ADAMTS14: variants seen among roughly 807,000 people sequenced by gnomAD.
ADAMTS14 encodes ADAM metallopeptidase with thrombospondin type 1 motif 14, also known as A disintegrin and metalloproteinase with thrombospondin motifs 14.
In ADAMTS14, 100 loss-of-function variants were observed where a neutral mutation model predicts 128.6. The observed-to-expected ratio is 0.78, with a 90% confidence interval of 0.66 to 0.92. The LOEUF (loss-of-function observed/expected upper bound fraction) is 0.92, where lower values mean the gene tolerates loss of function less well. ADAMTS14 is among the 40% of genes least tolerant of loss of function. ADAMTS14 has a pLI of 0.00. For synonymous variants in ADAMTS14, 665 were observed against 653.8 expected (o/e 1.02, Z -0.26); for missense variants, 1,562 against 1,658.6 (o/e 0.94, Z 1.01).
rs771389769 is a variant in ADAMTS14 at position 70,724,399 on chromosome 10, G to A, written c.871-4895G>A. ...CCTGTCTCGTGCCCAACCATGGGAAGCGATCCGTGATCTCCCCTGAGCTAG... is the reference window on the plus strand; with the variant it reads ...CCTGTCTCGTGCCCAACCATGGGAAACGATCCGTGATCTCCCCTGAGCTAG... On this transcript the variant is annotated intron_variant, in intron 4 of 21. Coordinates refer to ENST00000373207, the MANE Select transcript of ADAMTS14 (RefSeq NM_080722.4). Among the ~76,000 whole-genome samples, 32 of 152,326 alleles carry A rather than the reference G, an allele frequency of 2.1e-4. 1 individual carries two copies. The highest frequency in any genetic ancestry group is 7.7e-4 in the African/African-American group (32 of 41,578).
chr10:70,712,853 C>T (rs910814542), intron 4 of ADAMTS14, among the ~76,000 whole-genome samples: 1 of 152,174 alleles, frequency 6.6e-6, no homozygotes, highest in Non-Finnish European at 1.5e-5. Context: ...AATCTCTGCC[C>T]TCATTCCCGG....
At chr10:70,738,168 A>C (rs1212440821) in intron 10 of ADAMTS14, among the ~76,000 whole-genome samples, 1 of 151,674 alleles carries the variant, frequency 6.6e-6, no homozygotes, top group African/African-American at 2.4e-5. Context: ...AGCTTTGTGC[A>C]TTTTTTTCAT....
At position 70,745,399 on chromosome 10, in the gene ADAMTS14, A is replaced by T. The variant is rs1273751238; in HGVS notation, c.2263+93A>T. 2.2e-6 allele frequency: 3 copies of T among 1,334,570 alleles called. No homozygotes were observed. The Admixed American group carries it at 5.4e-5, about 24-fold the overall frequency. The allele number at this position is 1,334,570 out of a possible 1,614,324, so 82.7% of individuals were successfully genotyped here. A position where few individuals can be genotyped will look rare whatever the true frequency, so the allele number is the denominator to read the frequency against. On this transcript the variant is annotated intron_variant, in intron 15 of 21. Transcript: ENST00000373207. ...GGAGACCAGAGGACAAGATTCTAGT[A>T]CAAGTGGAATTGTACTAACTGGAGT...
intron 6 of ADAMTS14, among the ~76,000 whole-genome samples, chr10:70,731,078 A>ACACACACACACG: frequency 6.7e-6 from 1 of 148,442 alleles, no homozygotes; most frequent in Non-Finnish European, 1.5e-5. Flanking sequence ...ACACACACAC[A>ACACACACACACG]CACACACACA....
chr10:70,749,670 C>G (rs1842291689), intron 15 of ADAMTS14, 152 bp from the exon 16 acceptor site: 3 of 851,494 alleles, frequency 3.5e-6, no homozygotes, highest in Non-Finnish European at 5.4e-6. Context: ...AGCGTGTTGA[C>G]CTGTCTGACT....
intron 2 of ADAMTS14, among the ~76,000 whole-genome samples, chr10:70,678,885 T>C (rs2132531539): frequency 6.6e-6 from 1 of 151,850 alleles, no homozygotes; most frequent in East Asian, 1.9e-4. Flanking sequence ...AACCTGTAGT[T>C]GATGGCTCCC....
Position 70,750,563 on chromosome 10 carries a change from G to A in ADAMTS14, c.2427+578G>A, listed in dbSNP as rs371067899. ...GGCTGGTGGCAGGGTTACCTTGGAT[G>A]GGCTTTGTTCCTGGTGTCACCCTCA... is the stretch of plus-strand genomic sequence containing the variant. On this transcript the variant is annotated intron_variant, in intron 16 of 21. Coordinates refer to ENST00000373207, the MANE Select transcript of ADAMTS14 (RefSeq NM_080722.4). Among the ~76,000 whole-genome samples, 34 of 152,316 alleles carry A rather than the reference G, an allele frequency of 2.2e-4. 2 individuals are homozygous for A. The highest frequency in any genetic ancestry group is 1.7e-3 in the East Asian group (9 of 5,186).
Position 70,758,217 on chromosome 10 carries a change from T to G in ADAMTS14, c.3110T>G (p.Leu1037Arg). The G allele has an allele frequency of 6.2e-7, 1 of 1,614,208 alleles. No homozygotes were observed. The highest frequency in any genetic ancestry group is 8.5e-7 in the Non-Finnish European group (1 of 1,180,026). The change falls in exon 21 of 22, where the codon CTT becomes CGT. Residue 1037 changes from leucine to arginine, a missense_variant. Physicochemically the swap from Leu to Arg is moderately radical, Grantham distance 102 (BLOSUM62 -2). Coordinates refer to ENST00000373207, the MANE Select transcript of ADAMTS14 (RefSeq NM_080722.4). ...NSTVRADVWE[L>R]GTPEGQWVPQ... ...ACGGTGAGGGCCGATGTCTGGGAACTTGGGACGCCAGAGGGGCAGTGGGTG... is the reference window on the plus strand; with the variant it reads ...ACGGTGAGGGCCGATGTCTGGGAACGTGGGACGCCAGAGGGGCAGTGGGTG...
At chr10:70,711,269 C>T (rs1018486985) in intron 4 of ADAMTS14, among the ~76,000 whole-genome samples, 3 of 152,240 alleles carry the variant, frequency 2.0e-5, no homozygotes, top group Admixed American at 2.0e-4. Context: ...CTCCTATCCC[C>T]ATCCATGGCT....
intron 2 of ADAMTS14, among the ~76,000 whole-genome samples, chr10:70,682,632 C>G (rs1010611269): frequency 3.9e-5 from 6 of 152,198 alleles, no homozygotes; most frequent in Non-Finnish European, 8.8e-5. Context: ...GTACACTCAG[C>G]TGTTGCTATT....
Position 70,756,928 on chromosome 10 carries a change from C to T in ADAMTS14, c.2938-1034C>T, listed in dbSNP as rs897935694. Among the ~76,000 whole-genome samples, 6 of 152,116 alleles carry T rather than the reference C, an allele frequency of 3.9e-5. No homozygotes were observed. In the South Asian group the frequency reaches 8.3e-4, roughly 21 times the overall value. On this transcript the variant is annotated intron_variant, in intron 19 of 21. Transcript: ENST00000373207. Reference sequence around the variant, plus strand: ...CTTTCACAGCCCCTTATGAGACTGACTGAGCAGTCAGGAGCTGTTAGCTGC... The same window carrying T: ...CTTTCACAGCCCCTTATGAGACTGATTGAGCAGTCAGGAGCTGTTAGCTGC...
At chr10:70,741,772 C>G (rs905851743) in intron 12 of ADAMTS14, among the ~76,000 whole-genome samples, 1 of 152,202 alleles carries the variant, frequency 6.6e-6, no homozygotes, top group Non-Finnish European at 1.5e-5. Flanking sequence ...AATTTGGGGA[C>G]CATAGTGGTG....
chr10:70,682,400 C>T (rs963722226), intron 2 of ADAMTS14, among the ~76,000 whole-genome samples: 3 of 152,146 alleles, frequency 2.0e-5, no homozygotes, highest in Non-Finnish European at 4.4e-5. Context: ...TAGCTGGAGG[C>T]CTTGGGTTGC....
In ADAMTS14 at chr10:70,718,959, G is replaced by T. The variant is rs556165890; in HGVS notation, c.870+10181G>T. On this transcript the variant is annotated intron_variant, in intron 4 of 21. Transcript: ENST00000373207. ...AATCCTCCTGCCTTGGCCCCCCAGAGTGCTGGGATTACAGGTATGAGCCAT... is the reference window on the plus strand; with the variant it reads ...AATCCTCCTGCCTTGGCCCCCCAGATTGCTGGGATTACAGGTATGAGCCAT... 1.4e-4 allele frequency among the ~76,000 whole-genome samples: 22 copies of T among 151,972 alleles called. No individual in the cohort carries two copies. In the South Asian group the frequency reaches 2.9e-3, roughly 20 times the overall value.
Position 70,744,118 on chromosome 10 carries a change from G to C in ADAMTS14, c.2111G>C (p.Gly704Ala). The C allele has an allele frequency of 6.4e-7, 1 of 1,563,850 alleles. No homozygotes were observed. The highest frequency in any genetic ancestry group is 8.7e-7 in the Non-Finnish European group (1 of 1,154,150). The change falls in exon 14 of 22, where the codon GGA (glycine) becomes GCA (alanine). Residue 704 changes from glycine (G) to alanine (A), a missense_variant. Transcript: ENST00000373207. ...TCCATGAAGGCGGATGACAAGTGTG[G>C]AGTCTGCGGGGGTGACAACTCCCAC... ...VGSMKADDKC[G>A]VCGGDNSHCR...
At chr10:70,674,258 C>T (rs953482944) in intron 1 of ADAMTS14, among the ~76,000 whole-genome samples, 4 of 152,150 alleles carry the variant, frequency 2.6e-5, no homozygotes, top group African/African-American at 7.2e-5. Context: ...AGCCCAAGGT[C>T]GGAAGTCTTG....
chr10:70,680,367 T>C (rs1400913163), intron 2 of ADAMTS14, among the ~76,000 whole-genome samples: 2 of 152,030 alleles, frequency 1.3e-5, no homozygotes, highest in Admixed American at 1.3e-4. Context: ...ATTGCACCAC[T>C]GCACTCCAGC....
intron 4 of ADAMTS14, among the ~76,000 whole-genome samples, chr10:70,722,215 A>C (rs1411836614): frequency 6.6e-6 from 1 of 152,184 alleles, no homozygotes; most frequent in Non-Finnish European, 1.5e-5. Flanking sequence ...GCTAGAGCAC[A>C]TGGTCTGCAG....
rs1684950074 is a variant in ADAMTS14, at chr10:70,735,226, G to A, written c.1410G>A (p.Glu470=). ...ATCCTGCCTGGCCCCAGCCCCCAGA[G>A]CTGCCTGGGATCAACTACTCAATGG... ...PFDPAWPQPP[E]LPGINYSMDE... The change falls in exon 9 of 22, where the codon GAG becomes GAA. Residue 470 remains glutamate (E), a synonymous_variant. Coordinates refer to ENST00000373207, the MANE Select transcript of ADAMTS14 (RefSeq NM_080722.4). 13 of 1,614,026 alleles carry A rather than the reference G, an allele frequency of 8.1e-6. No homozygotes were observed. Among genetic ancestry groups the A allele is most frequent in the Non-Finnish European group, 1.0e-5 (12 of 1,179,966 alleles).
Sources: gnomAD v4.1 joint callset for allele counts (sites outside exome capture counted in the v4.1 genomes callset) on GRCh38, gnomAD v4.1.1 for gene constraint, MANE v1.5 for transcripts, NCBI Gene and HGNC (gene_info 2026-07-23, HGNC 2026-07-21) for gene names.